The following DHRS7B variants were observed in gnomAD, a reference collection of about 807,000 sequenced individuals.
DHRS7B encodes the protein dehydrogenase/reductase 7B.
DHRS7B carries 24 observed loss-of-function variants against 26.4 expected under a neutral mutation model. The ratio of observed to expected loss-of-function variants is 0.91; its 90% CI spans 0.66 to 1.28. The LOEUF (loss-of-function observed/expected upper bound fraction) is 1.28, where lower values mean the gene tolerates loss of function less well. Among genes scored for constraint, DHRS7B ranks in the 50% most tolerant of loss-of-function variants. DHRS7B has a pLI of 0.00. For synonymous variants in DHRS7B, 142 were observed against 166.4 expected (o/e 0.85, Z 1.13); for missense variants, 368 against 419.4 (o/e 0.88, Z 1.07).
intron 1 of DHRS7B, among the ~76,000 whole-genome samples, chr17:21,169,673 T>C (rs1974193734): frequency 6.6e-6 from 1 of 152,204 alleles, no homozygotes; most frequent in African/African-American, 2.4e-5. Context: ...ACTTGGCTCT[T>C]GACCCCCATG....
rs62054895 is a variant in DHRS7B at position 21,190,153 on chromosome 17, G to A, written c.773-795G>A. 4.3e-3 allele frequency among the ~76,000 whole-genome samples: 645 copies of A among 151,522 alleles called. 2 individuals carry two copies. Among genetic ancestry groups the A allele is most frequent in the Non-Finnish European group, 7.1e-3 (481 of 67,928 alleles). ...TGCACTCCAGCCTGGGCAACAGAGC[G>A]AAACCCTGTCTTTAAAAAAAAAAAA... On this transcript the variant is annotated intron_variant, in intron 6 of 6. Transcript: ENST00000395511.
chr17:21,162,111 T>C (rs1311011547), intron 1 of DHRS7B, among the ~76,000 whole-genome samples: 1 of 151,660 alleles, frequency 6.6e-6, no homozygotes, highest in Non-Finnish European at 1.5e-5. Flanking sequence ...AACAGAGACA[T>C]GATGATTTAT....
rs200651282 is a variant in DHRS7B, at chr17:21,160,398, C to CA, written c.21-11611dup. Among the ~76,000 whole-genome samples the CA allele has an allele frequency of 5.6e-4, 84 of 149,730 alleles. 1 individual carries two copies. The highest frequency in any genetic ancestry group is 3.4e-3 in the Middle Eastern group (1 of 290). ...AAAAAATTAAAAATGAACAACACAA[C>CA]AAAAAAAAATGGACAAAAGATCTGA... On this transcript the variant is annotated intron_variant, in intron 1 of 6. Coordinates refer to ENST00000395511, the MANE Select transcript of DHRS7B (RefSeq NM_015510.5).
intron 1 of DHRS7B, among the ~76,000 whole-genome samples, chr17:21,160,182 C>T (rs975433047): frequency 6.6e-5 from 10 of 151,940 alleles, no homozygotes; most frequent in Admixed American, 5.9e-4. Context: ...GGTGAAACCC[C>T]GTCTCTACTA....
At chr17:21,131,654 T>C (rs1287064661) in intron 1 of DHRS7B, among the ~76,000 whole-genome samples, 1 of 152,214 alleles carries the variant, frequency 6.6e-6, no homozygotes, top group Non-Finnish European at 1.5e-5. Context: ...CTCAGCCTTA[T>C]TTTACCCAGC....
intron 1 of DHRS7B, among the ~76,000 whole-genome samples, chr17:21,132,325 A>AC (rs1456468557): frequency 1.5e-5 from 2 of 131,824 alleles, no homozygotes; most frequent in Non-Finnish European, 3.1e-5. Context: ...ACATAGGGAG[A>AC]CCCCATCTCT....
chr17:21,189,614 C>T (rs1974731584), intron 6 of DHRS7B, among the ~76,000 whole-genome samples: 1 of 152,218 alleles, frequency 6.6e-6, no homozygotes, highest in Non-Finnish European at 1.5e-5. Flanking sequence ...CCCAGCCAGG[C>T]CTGAACCAAG....
At chr17:21,140,451 G>GTCAA (rs1567616854) in intron 1 of DHRS7B, among the ~76,000 whole-genome samples, 1 of 143,336 alleles carries the variant, frequency 7.0e-6, no homozygotes, top group African/African-American at 2.6e-5. Flanking sequence ...AAAAGTTTGG[G>GTCAA]TTATAGAAAT....
intron 1 of DHRS7B, chr17:21,128,124 T>C (rs1973140603): frequency 1.3e-5 from 2 of 152,206 alleles, no homozygotes; most frequent in South Asian, 4.1e-4. Flanking sequence ...TCCAAAGGCA[T>C]AGAGCTATTA....
rs543354677 is a variant in DHRS7B at position 21,176,942 on chromosome 17, A to G, written c.200-1291A>G. On this transcript the variant is annotated intron_variant, in intron 2 of 6. Coordinates refer to ENST00000395511, the MANE Select transcript of DHRS7B (RefSeq NM_015510.5). ...TGAACATTTACATAGGATATGTTGC[A>G]GGGGAGGGTAAGCAAGAAGCAACGA... 1.4e-4 allele frequency among the ~76,000 whole-genome samples: 22 copies of G among 152,100 alleles called. No homozygotes were observed. The South Asian group carries it at 2.7e-3, about 19-fold the overall frequency.
chr17:21,130,800 A>T (rs920158567), intron 1 of DHRS7B, among the ~76,000 whole-genome samples: 1 of 152,238 alleles, frequency 6.6e-6, no homozygotes, highest in Non-Finnish European at 1.5e-5. Flanking sequence ...CCACCCCATT[A>T]TACACATAAG....
chr17:21,147,317 G>GA (rs1973663008), intron 1 of DHRS7B, among the ~76,000 whole-genome samples: 1 of 151,808 alleles, frequency 6.6e-6, no homozygotes, highest in Non-Finnish European at 1.5e-5. Context: ...AGTACACATG[G>GA]AAGTCAGCCC....
intron 1 of DHRS7B, among the ~76,000 whole-genome samples, chr17:21,151,987 G>A (rs527656377): frequency 1.3e-5 from 2 of 152,058 alleles, no homozygotes; most frequent in South Asian, 2.1e-4. Flanking sequence ...GTTCTCTCTC[G>A]CTCCCACTCT....
chr17:21,181,273 A>G (rs1004699615), intron 3 of DHRS7B, among the ~76,000 whole-genome samples: 2 of 152,056 alleles, frequency 1.3e-5, no homozygotes, highest in African/African-American at 4.8e-5. Context: ...TTTTGTAGGG[A>G]CAGGGTCCTG....
At chr17:21,128,502 C>T (rs1973151315) in intron 1 of DHRS7B, 1 of 152,318 alleles carries the variant, frequency 6.6e-6, no homozygotes, top group Non-Finnish European at 1.5e-5. Context: ...TCGAGACCAT[C>T]CTGGCTAACA....
At chr17:21,151,943 G>T (rs1973780912) in intron 1 of DHRS7B, among the ~76,000 whole-genome samples, 1 of 152,134 alleles carries the variant, frequency 6.6e-6, no homozygotes, top group African/African-American at 2.4e-5. Flanking sequence ...CACAAGATCT[G>T]GCTGTGTAAA....
At chr17:21,176,830 C>A (rs1974389611) in intron 2 of DHRS7B, among the ~76,000 whole-genome samples, 1 of 152,102 alleles carries the variant, frequency 6.6e-6, no homozygotes, top group South Asian at 2.1e-4. Flanking sequence ...TTCTAACTTA[C>A]TGGAGTTGGA....
In DHRS7B at chr17:21,183,577, C is replaced by G. The variant is rs758155459; in HGVS notation, c.310-17C>G. On this transcript the variant is annotated splice_polypyrimidine_tract_variant and intron_variant, in intron 3 of 6. Coordinates refer to ENST00000395511, the MANE Select transcript of DHRS7B (RefSeq NM_015510.5). ...TGCCACTCAGAAAGTGAATTTGTAT[C>G]TGTTGTATTTGACCAGGTGCAGACA... is the stretch of plus-strand genomic sequence containing the variant. 6.2e-7 allele frequency: 1 copy of G among 1,611,228 alleles called. No individual in the cohort carries two copies. The highest frequency in any genetic ancestry group is 8.5e-7 in the Non-Finnish European group (1 of 1,179,338).
intron 1 of DHRS7B, among the ~76,000 whole-genome samples, chr17:21,165,368 G>A (rs1012514922): frequency 1.3e-5 from 2 of 151,738 alleles, no homozygotes; most frequent in African/African-American, 4.8e-5. Flanking sequence ...TTGGGACAGG[G>A]TCTCACTCTG....
Sources: gnomAD v4.1 joint callset for allele counts (sites outside exome capture counted in the v4.1 genomes callset) on GRCh38, gnomAD v4.1.1 for gene constraint, MANE v1.5 for transcripts, NCBI Gene and HGNC (gene_info 2026-07-23, HGNC 2026-07-21) for gene names.